Variants in RTL4 observed in about 807,000 individuals in gnomAD.
RTL4 encodes retrotransposon Gag-like protein 4.
In RTL4, 4 loss-of-function variants were observed where a neutral mutation model predicts 5.3. The ratio of observed to expected loss-of-function variants is 0.75; its 90% CI spans 0.37 to 1.72. The LOEUF (loss-of-function observed/expected upper bound fraction) is 1.72, where lower values mean the gene tolerates loss of function less well. Ranked by LOEUF, RTL4 falls within the 40% of genes most tolerant of loss-of-function variation. The pLI is 0.04. For synonymous variants in RTL4, 98 were observed against 87.3 expected (o/e 1.12, Z -0.68); for missense variants, 260 against 227.1 (o/e 1.14, Z -0.93).
chrX:112,257,878 T>TATATATATGTGTATATATATATATACAC, the RTL4 span, among the ~76,000 whole-genome samples: 1 of 106,053 alleles, frequency 9.4e-6, no homozygotes, highest in Non-Finnish European at 1.9e-5. Flanking sequence ...ACTGTGTATA[T>TATATATATGTGTATATATATATATACAC]ATATATATGT....
upstream of RTL4, among the ~76,000 whole-genome samples, chrX:112,451,780 T>C (rs1926739925): frequency 9.0e-6 from 1 of 111,546 alleles, no homozygotes; most frequent in African/African-American, 3.3e-5. Context: ...TTTGTGTGCT[T>C]TATGTGGAGG....
At chrX:112,111,351 C>G in the RTL4 span, among the ~76,000 whole-genome samples, 2 of 111,600 alleles carry the variant, frequency 1.8e-5, no homozygotes, top group Non-Finnish European at 3.8e-5. Flanking sequence ...TTCTCTTTCT[C>G]TCTGTCTTTC....
chrX:112,157,366 G>A, the RTL4 span, among the ~76,000 whole-genome samples: 17 of 110,793 alleles, frequency 1.5e-4, no homozygotes, highest in South Asian at 7.6e-4. Flanking sequence ...TTCTAGCTCC[G>A]ATGTTTTGTG....
the RTL4 span, among the ~76,000 whole-genome samples, chrX:112,303,106 G>C: frequency 9.0e-6 from 1 of 111,237 alleles, no homozygotes; most frequent in Admixed American, 9.6e-5. Context: ...AAGTGCCTAG[G>C]GACACTATCA....
At chrX:112,304,585 A>G in the RTL4 span, among the ~76,000 whole-genome samples, 1 of 104,730 alleles carries the variant, frequency 9.5e-6, no homozygotes, top group Non-Finnish European at 2.0e-5. Context: ...GGCTCCAAGT[A>G]GTACTGCAGG....
the RTL4 span, among the ~76,000 whole-genome samples, chrX:112,120,456 T>G: frequency 1.8e-5 from 2 of 110,865 alleles, no homozygotes; most frequent in East Asian, 5.7e-4. Context: ...TTTTGTATTT[T>G]TAGTAGAGAC....
At chrX:112,337,672 T>C in the RTL4 span, among the ~76,000 whole-genome samples, 1 of 112,088 alleles carries the variant, frequency 8.9e-6, no homozygotes, top group Admixed American at 9.5e-5. Context: ...TTTTCATCTG[T>C]CCCTTCTAAT....
chrX:112,252,151 T>C, the RTL4 span, among the ~76,000 whole-genome samples: 1 of 112,163 alleles, frequency 8.9e-6, no homozygotes, highest in South Asian at 3.7e-4. Context: ...GAACTGTTTT[T>C]CAAGTAAACT....
the RTL4 span, among the ~76,000 whole-genome samples, chrX:112,150,420 T>C: frequency 9.0e-6 from 1 of 111,714 alleles, no homozygotes; most frequent in Non-Finnish European, 1.9e-5. Flanking sequence ...AATTGCCGTC[T>C]CACCTGTCCA....
the RTL4 span, among the ~76,000 whole-genome samples, chrX:112,146,047 A>G: frequency 8.9e-6 from 1 of 112,370 alleles, no homozygotes; most frequent in Non-Finnish European, 1.9e-5. Context: ...TGGCTGCCGC[A>G]TGAAGAGTGG....
At chrX:112,314,848 C>A in the RTL4 span, among the ~76,000 whole-genome samples, 385 of 111,410 alleles carry the variant, frequency 3.5e-3, 2 homozygotes, top group African/African-American at 0.012. Context: ...CTGACCAAGT[C>A]CCTTTTGGTG....
chrX:112,381,656 G>A, the RTL4 span: 1 of 1,208,268 alleles, frequency 8.3e-7, no homozygotes, highest in African/African-American at 1.7e-5. Context: ...GCTTAAAGCA[G>A]CGCTCTTGCA....
At chrX:112,383,608 A>G in the RTL4 span, among the ~76,000 whole-genome samples, 1 of 112,080 alleles carries the variant, frequency 8.9e-6, no homozygotes, top group African/African-American at 3.2e-5. Context: ...GTGCCCACCA[A>G]TGGTGGACTG....
At chrX:112,343,861 T>C in the RTL4 span, among the ~76,000 whole-genome samples, 1 of 111,813 alleles carries the variant, frequency 8.9e-6, no homozygotes, top group Non-Finnish European at 1.9e-5. Context: ...CTTGATTTTT[T>C]CCTCTACCAG....
At chrX:112,180,420 G>A in the RTL4 span, among the ~76,000 whole-genome samples, 271 of 111,684 alleles carry the variant, frequency 2.4e-3, 1 homozygote, top group African/African-American at 8.6e-3. Flanking sequence ...GATAAAAATG[G>A]CATTCTGTGA....
the RTL4 span, among the ~76,000 whole-genome samples, chrX:112,250,241 T>C: frequency 9.2e-6 from 1 of 108,133 alleles, no homozygotes; most frequent in South Asian, 4.1e-4. Context: ...ATCGTGCCAC[T>C]GCACTCCAGC....
At chrX:112,338,517 A>G in the RTL4 span, among the ~76,000 whole-genome samples, 3 of 112,332 alleles carry the variant, frequency 2.7e-5, no homozygotes, top group African/African-American at 9.7e-5. Context: ...AGGTAGTTCT[A>G]TGGAATATAT....
the RTL4 span, among the ~76,000 whole-genome samples, chrX:112,436,617 T>A: frequency 8.1e-5 from 9 of 111,461 alleles, no homozygotes; most frequent in African/African-American, 2.9e-4. Flanking sequence ...AACCAGAACA[T>A]TCCATGGCAG....
At chrX:112,230,918 C>G in the RTL4 span, among the ~76,000 whole-genome samples, 93 of 111,110 alleles carry the variant, frequency 8.4e-4, no homozygotes, top group African/African-American at 2.8e-3. Flanking sequence ...GTGAAGGATA[C>G]GAACAGACAC....
Sources: allele counts gnomAD v4.1 joint callset (sites outside exome capture counted in the v4.1 genomes callset), GRCh38; gene constraint gnomAD v4.1.1; transcripts MANE v1.5; gene names NCBI Gene and HGNC (gene_info 2026-07-23, HGNC 2026-07-21).